MAP3K15: variants seen among roughly 807,000 people sequenced by gnomAD.
MAP3K15 encodes the protein mitogen-activated protein kinase kinase kinase 15.
Under a neutral mutation model 99.5 loss-of-function variants are expected in MAP3K15, and 124 were observed. The ratio of observed to expected loss-of-function variants is 1.25; its 90% CI spans 1.08 to 1.45. MAP3K15 has a LOEUF of 1.45. MAP3K15 is among the 40% of genes most tolerant of loss of function. MAP3K15 has a pLI of 0.00. For synonymous variants in MAP3K15, 494 were observed against 439.6 expected (o/e 1.12, Z -1.55); for missense variants, 1,242 against 1,079.7 (o/e 1.15, Z -2.11).
At chrX:19,374,353 G>A (rs1268879911) in intron 20 of MAP3K15, 124 bp downstream of exon 20, 1 of 619,836 alleles carries the variant, frequency 1.6e-6, no homozygotes, top group African/African-American at 2.3e-5. Context: ...TCACAAAAAT[G>A]GGAATGACGT....
chrX:19,375,833 T>A (rs1330653734), intron 19 of MAP3K15, among the ~76,000 whole-genome samples: 1 of 112,140 alleles, frequency 8.9e-6, no homozygotes, highest in South Asian at 3.7e-4. Flanking sequence ...AACACAGCGC[T>A]CCTCCTGGCC....
chrX:19,362,935 A>C, intron 25 of MAP3K15, 85 bp from the exon 26 acceptor site: 1 of 517,145 alleles, frequency 1.9e-6, no homozygotes, highest in African/African-American at 2.4e-5. Context: ...TTGTGCATAC[A>C]TTAGAGATGG....
chrX:19,437,355 C>T (rs1438785273), intron 6 of MAP3K15, among the ~76,000 whole-genome samples: 6 of 111,685 alleles, frequency 5.4e-5, no homozygotes, highest in Non-Finnish European at 9.4e-5. Flanking sequence ...CACCAATTTT[C>T]TTCCAATGGC....
At chrX:19,369,993 G>C (rs1460157766) in intron 24 of MAP3K15, among the ~76,000 whole-genome samples, 1 of 111,502 alleles carries the variant, frequency 9.0e-6, no homozygotes, top group Non-Finnish European at 1.9e-5. Flanking sequence ...GAAGGTGTCT[G>C]CTTGGAGTGG....
chrX:19,456,668 T>G (rs963562668), intron 6 of MAP3K15, among the ~76,000 whole-genome samples: 1 of 112,274 alleles, frequency 8.9e-6, no homozygotes, highest in Non-Finnish European at 1.9e-5. Context: ...ACAAGATATG[T>G]GAAGCCGGGG....
intron 18 of MAP3K15, among the ~76,000 whole-genome samples, chrX:19,390,754 G>C (rs765665789): frequency 2.9e-5 from 3 of 104,153 alleles, no homozygotes; most frequent in African/African-American, 1.1e-4. Flanking sequence ...CGCTGGTCTT[G>C]CACTGCTGGC....
chrX:19,428,200 T>C (rs1377603705), intron 7 of MAP3K15, among the ~76,000 whole-genome samples: 4 of 111,487 alleles, frequency 3.6e-5, no homozygotes, highest in African/African-American at 1.3e-4. Context: ...TTAGATGATA[T>C]CCAAGATAGA....
At chrX:19,384,641 G>A (rs181971655) in intron 18 of MAP3K15, among the ~76,000 whole-genome samples, 328 of 106,358 alleles carry the variant, frequency 3.1e-3, no homozygotes, top group African/African-American at 0.01. Flanking sequence ...TACTTGGAAG[G>A]CTGAGGTGGG....
chrX:19,431,199 C>T (rs189124888), intron 7 of MAP3K15, among the ~76,000 whole-genome samples: 1 of 111,601 alleles, frequency 9.0e-6, no homozygotes, highest in Non-Finnish European at 1.9e-5. Context: ...TGTGCTGGGC[C>T]TCCTTCTTGG....
chrX:19,429,264 A>G (rs934935806), intron 7 of MAP3K15, among the ~76,000 whole-genome samples: 1 of 110,889 alleles, frequency 9.0e-6, no homozygotes, highest in African/African-American at 3.3e-5. Flanking sequence ...GGATAGACTG[A>G]GCAGACAGCA....
At chrX:19,386,544 C>T (rs1323128407) in intron 18 of MAP3K15, among the ~76,000 whole-genome samples, 1 of 111,235 alleles carries the variant, frequency 9.0e-6, no homozygotes, top group Non-Finnish European at 1.9e-5. Context: ...TGCCCTACCA[C>T]ACTGGTCACT....
At chrX:19,415,301 C>T in intron 9 of MAP3K15, 44 bp from the exon 10 acceptor site, 2 of 1,081,478 alleles carry the variant, frequency 1.8e-6, no homozygotes, top group Non-Finnish European at 2.4e-6. Flanking sequence ...CCTAAAGAAA[C>T]TGAATTCAAT....
chrX:19,511,112 G>A (rs2064514755), intron 1 of MAP3K15, among the ~76,000 whole-genome samples: 1 of 111,831 alleles, frequency 8.9e-6, no homozygotes, highest in Non-Finnish European at 1.9e-5. Context: ...AAACTGGCTA[G>A]CCATATGCAG....
chrX:19,392,907 G>A (rs368438532), intron 16 of MAP3K15, among the ~76,000 whole-genome samples: 1 of 110,199 alleles, frequency 9.1e-6, no homozygotes, highest in East Asian at 2.9e-4. Context: ...TACCTTGTCT[G>A]TAATCAGAGG....
chrX:19,501,695 A>G (rs5955800), intron 1 of MAP3K15, among the ~76,000 whole-genome samples: 26,280 of 111,467 alleles, frequency 0.24, 2,935 homozygotes, highest in African/African-American at 0.43. Flanking sequence ...TCACTCAAAC[A>G]GTGGCAAAGA....
chrX:19,430,463 G>A (rs192538152), intron 7 of MAP3K15, among the ~76,000 whole-genome samples: 152 of 112,034 alleles, frequency 1.4e-3, no homozygotes, highest in African/African-American at 4.6e-3. Context: ...AGAAGTGCCT[G>A]GCAAAGCCAC....
intron 6 of MAP3K15, among the ~76,000 whole-genome samples, chrX:19,452,608 A>G (rs1441078180): frequency 8.9e-6 from 1 of 111,741 alleles, no homozygotes; most frequent in Non-Finnish European, 1.9e-5. Context: ...AGATGAATGG[A>G]TAAACAAAAT....
intron 20 of MAP3K15, 98 bp from the exon 21 acceptor site, chrX:19,373,793 G>A: frequency 2.1e-6 from 2 of 934,432 alleles, no homozygotes; most frequent in Non-Finnish European, 2.9e-6. Flanking sequence ...GAACCGCCCA[G>A]GCACCCAGGA....
chrX:19,363,584 G>A (rs779393932), intron 25 of MAP3K15, among the ~76,000 whole-genome samples: 10 of 111,426 alleles, frequency 9.0e-5, no homozygotes, highest in Admixed American at 5.7e-4. Context: ...AGAATAGAAT[G>A]GTAAGTTTCT....
Sources: gnomAD v4.1 joint callset for allele counts (sites outside exome capture counted in the v4.1 genomes callset) on GRCh38, gnomAD v4.1.1 for gene constraint, MANE v1.5 for transcripts, NCBI Gene and HGNC (gene_info 2026-07-23, HGNC 2026-07-21) for gene names.